Variants in TMEM132C observed in about 807,000 individuals in gnomAD.
TMEM132C encodes the protein transmembrane protein 132C.
TMEM132C carries 29 observed loss-of-function variants against 61.4 expected under a neutral mutation model. The observed-to-expected ratio is 0.47, with a 90% CI of 0.35 to 0.64. The LOEUF (loss-of-function observed/expected upper bound fraction) is 0.64, where lower values mean the gene tolerates loss of function less well. Among genes scored for constraint, TMEM132C ranks in the 30% least tolerant of loss-of-function variants. TMEM132C has a pLI of 0.00. For missense variants in TMEM132C, 1,408 were observed against 1,476.9 expected, an observed-to-expected ratio of 0.95 and a Z score of 0.76; for synonymous variants, 656 against 633.1, an observed-to-expected ratio of 1.04 and a Z score of -0.54.
rs982967181 is a variant in TMEM132C at position 128,570,881 on chromosome 12, C to T, written c.1121+26778C>T. Among the ~76,000 whole-genome samples, 13 of 152,286 alleles carry T rather than the reference C, an allele frequency of 8.5e-5. No individual in the cohort carries two copies. The highest frequency in any genetic ancestry group is 2.6e-4 in the African/African-American group (11 of 41,562). ...TTATATCTCATGGCTGAATGGGACC[C>T]GTAGAGCCACTCCTAGCAATAAGGA... On this transcript the variant is annotated intron_variant, in intron 3 of 8. Transcript: ENST00000435159. This position sits in a 1 kb window ranked among gnomAD's most constrained non-coding sequence, Gnocchi z 4.7.
At chr12:128,617,511 G>A (rs1355606603) in intron 4 of TMEM132C, among the ~76,000 whole-genome samples, 3 of 152,290 alleles carry the variant, frequency 2.0e-5, no homozygotes, top group Non-Finnish European at 4.4e-5. Context: ...TATCACCCTG[G>A]GGCAGGTGTG....
At chr12:128,429,020 A>G (rs1487143253) in intron 2 of TMEM132C, among the ~76,000 whole-genome samples, 1 of 152,200 alleles carries the variant, frequency 6.6e-6, no homozygotes, top group African/African-American at 2.4e-5. Context: ...AGTGCTGTGG[A>G]TTGCAGCTGA....
At chr12:128,545,853 CG>C (rs1377540611) in intron 3 of TMEM132C, among the ~76,000 whole-genome samples, 1 of 152,110 alleles carries the variant, frequency 6.6e-6, no homozygotes, top group Non-Finnish European at 1.5e-5. Flanking sequence ...GGATTCAAAA[CG>C]TAAGATTATT....
chr12:128,319,755 G>A (rs539277354), intron 1 of TMEM132C, among the ~76,000 whole-genome samples: 1 of 152,060 alleles, frequency 6.6e-6, no homozygotes, highest in African/African-American at 2.4e-5. Context: ...GAACTTGGGA[G>A]GTGGAGGTTG....
chr12:128,396,568 A>AAAT lies in TMEM132C; in HGVS notation c.86-18144_86-18142dup, dbSNP rs755884774. Among the ~76,000 whole-genome samples, 97 of 152,008 alleles carry AAAT rather than the reference A, an allele frequency of 6.4e-4. 1 individual carries two copies. The highest frequency in any genetic ancestry group is 2.7e-3 in the South Asian group (13 of 4,796). On this transcript the variant is annotated intron_variant, in intron 1 of 8. Transcript: ENST00000435159. ...CACATGTATCTCAGAACTTAAAGTA[A>AAAT]AATAATAATAATAATAATAATAGGT...
At chr12:128,482,009 A>G (rs909190618) in intron 2 of TMEM132C, among the ~76,000 whole-genome samples, 16 of 152,210 alleles carry the variant, frequency 1.1e-4, no homozygotes, top group African/African-American at 3.1e-4. Context: ...CTGCCCATTC[A>G]GTGTGATATT....
rs1231638024 is a variant in TMEM132C at position 128,333,710 on chromosome 12, G to A, written c.85+66223G>A. The stretch of plus-strand genomic sequence containing the variant: ...AGTGTGTGGTGTTTGTTTGTTGTCT[G>A]TATGTATGAGAGTGTGTGGTTTGTG... On this transcript the variant is annotated intron_variant, in intron 1 of 8. Coordinates refer to ENST00000435159, the MANE Select transcript of TMEM132C (RefSeq NM_001136103.3). 4.6e-5 allele frequency among the ~76,000 whole-genome samples: 7 copies of A among 151,358 alleles called. No individual in the cohort carries two copies. The East Asian group carries it at 1.4e-3, about 29-fold the overall frequency.
At chr12:128,566,527 G>A (rs983400007) in intron 3 of TMEM132C, among the ~76,000 whole-genome samples, 44 of 152,288 alleles carry the variant, frequency 2.9e-4, no homozygotes, top group African/African-American at 9.6e-4. Context: ...ACCATAGAGG[G>A]AAAGATCCTG....
intron 1 of TMEM132C, among the ~76,000 whole-genome samples, chr12:128,332,269 G>A (rs1269905979): frequency 6.6e-6 from 1 of 152,188 alleles, no homozygotes; most frequent in Non-Finnish European, 1.5e-5. Context: ...ATGGAGAAAG[G>A]TGATTTGTTT....
chr12:128,662,324 A>G (rs995949253), intron 4 of TMEM132C, among the ~76,000 whole-genome samples: 4 of 152,220 alleles, frequency 2.6e-5, no homozygotes, highest in Admixed American at 2.6e-4. Flanking sequence ...CTTTGAGTCA[A>G]CTTGGACTTT....
At chr12:128,318,119 C>T (rs1872211661) in intron 1 of TMEM132C, among the ~76,000 whole-genome samples, 1 of 152,098 alleles carries the variant, frequency 6.6e-6, no homozygotes, top group Admixed American at 6.5e-5. Context: ...AAAACAGACA[C>T]GGATCTCACC....
intron 3 of TMEM132C, among the ~76,000 whole-genome samples, chr12:128,549,117 G>A (rs1874064679): frequency 6.6e-6 from 1 of 152,138 alleles, no homozygotes; most frequent in Admixed American, 6.5e-5. Context: ...ACTGCCTTGG[G>A]GTGTGAGCTG....
In TMEM132C at chr12:128,448,236, G is replaced by A. The variant is rs1020129635; in HGVS notation, c.974+32616G>A. On this transcript the variant is annotated intron_variant, in intron 2 of 8. Transcript: ENST00000435159. ...TTTGAACCCTAATGATATAGCTACTGAACTGTTATGCAGCTTTTTGCCTAA... is the reference window on the plus strand; with the variant it reads ...TTTGAACCCTAATGATATAGCTACTAAACTGTTATGCAGCTTTTTGCCTAA... Among the ~76,000 whole-genome samples the A allele has an allele frequency of 2.0e-4, 30 of 152,238 alleles. No homozygotes were observed. In the South Asian group the frequency reaches 6.0e-3, roughly 31 times the overall value.
intron 3 of TMEM132C, among the ~76,000 whole-genome samples, chr12:128,597,865 AACATGCAGAGAGTAGCTGGAGGG>A (rs1161366839): frequency 6.6e-6 from 1 of 152,152 alleles, no homozygotes; most frequent in Non-Finnish European, 1.5e-5. Context: ...ATAGGGAGCA[AACATGCAGAGAGTAGCTGGAGGG>A]AGAGCAAATG....
chr12:128,621,965 G>A (rs759666984), intron 4 of TMEM132C, among the ~76,000 whole-genome samples: 1 of 152,054 alleles, frequency 6.6e-6, no homozygotes, highest in Non-Finnish European at 1.5e-5. Context: ...TTCCAGCCAC[G>A]ACTCTGAGTG....
At chr12:128,588,210 G>T (rs1288793285) in intron 3 of TMEM132C, among the ~76,000 whole-genome samples, 2 of 152,178 alleles carry the variant, frequency 1.3e-5, no homozygotes, top group Admixed American at 1.3e-4. Context: ...AAGGCAGGTG[G>T]ATCACTTAAG....
chr12:128,328,290 T>A (rs1159070707), intron 1 of TMEM132C, among the ~76,000 whole-genome samples: 1 of 152,026 alleles, frequency 6.6e-6, no homozygotes, highest in Non-Finnish European at 1.5e-5. Flanking sequence ...AAAAGAGTAA[T>A]TATTAAATGA....
chr12:128,545,853 C>T (rs1053631418), intron 3 of TMEM132C, among the ~76,000 whole-genome samples: 2 of 152,110 alleles, frequency 1.3e-5, no homozygotes, highest in South Asian at 2.1e-4. Context: ...GGATTCAAAA[C>T]GTAAGATTAT....
At chr12:128,511,039 A>G (rs1593080025) in intron 2 of TMEM132C, among the ~76,000 whole-genome samples, 1 of 152,304 alleles carries the variant, frequency 6.6e-6, no homozygotes, top group East Asian at 1.9e-4. Context: ...GCTGGCAGGC[A>G]TGGAGTGGTT....
Sources: allele counts gnomAD v4.1 joint callset (sites outside exome capture counted in the v4.1 genomes callset), GRCh38; gene constraint gnomAD v4.1.1; non-coding constraint Gnocchi (gnomAD v3.1); transcripts MANE v1.5; gene names NCBI Gene and HGNC (gene_info 2026-07-23, HGNC 2026-07-21).